The following M1AP variants were observed in gnomAD, a reference collection of about 807,000 sequenced individuals.
M1AP encodes the protein meiosis 1 associated protein, also known as meiosis 1 arrest protein.
In M1AP, 39 loss-of-function variants were observed where a neutral mutation model predicts 51.2. That is an observed-to-expected ratio of 0.76 (90% confidence interval 0.59 to 1.00). The LOEUF (loss-of-function observed/expected upper bound fraction) is 1.00, where lower values mean the gene tolerates loss of function less well. Among genes scored for constraint, M1AP ranks in the 50% least tolerant of loss-of-function variants. M1AP has a pLI of 0.00. For synonymous variants in M1AP, 251 were observed against 249.2 expected, an observed-to-expected ratio of 1.01 and a Z score of -0.07; for missense variants, 545 against 641.2, an observed-to-expected ratio of 0.85 and a Z score of 1.62.
At chr2:74,561,103 G>A (rs953192263) in intron 8 of M1AP, among the ~76,000 whole-genome samples, 32 of 76,602 alleles carry the variant, frequency 4.2e-4, no homozygotes, top group African/African-American at 1.3e-3. Flanking sequence ...GGAGAAGGAG[G>A]AGGAGGAGAA....
chr2:74,580,829 T>C (rs1400402147), intron 5 of M1AP, among the ~76,000 whole-genome samples: 1 of 152,178 alleles, frequency 6.6e-6, no homozygotes, highest in Non-Finnish European at 1.5e-5. Context: ...ATGAGAAAGA[T>C]GGGTACAAAT....
At chr2:74,597,846 T>C (rs1460500756) in intron 4 of M1AP, among the ~76,000 whole-genome samples, 1 of 152,226 alleles carries the variant, frequency 6.6e-6, no homozygotes, top group African/African-American at 2.4e-5. Flanking sequence ...AGTTTTGACA[T>C]ATTTATTACT....
intron 5 of M1AP, among the ~76,000 whole-genome samples, chr2:74,579,847 G>A (rs945461585): frequency 2.0e-5 from 3 of 151,950 alleles, no homozygotes; most frequent in South Asian, 2.1e-4. Context: ...TCACTCTGTT[G>A]CCCAGGCTGA....
intron 7 of M1AP, among the ~76,000 whole-genome samples, chr2:74,564,315 T>C (rs558205814): frequency 6.6e-6 from 1 of 152,294 alleles, no homozygotes; most frequent in South Asian, 2.1e-4. Context: ...GGAGGTCTGG[T>C]AGGCACAGCA....
intron 7 of M1AP, among the ~76,000 whole-genome samples, chr2:74,563,091 G>A (rs962877361): frequency 6.6e-6 from 1 of 152,130 alleles, no homozygotes; most frequent in Non-Finnish European, 1.5e-5. Flanking sequence ...GAGGGTACAA[G>A]GTAGTAAGGC....
At chr2:74,608,403 T>C (rs1344691571) in intron 3 of M1AP, among the ~76,000 whole-genome samples, 2 of 152,236 alleles carry the variant, frequency 1.3e-5, no homozygotes, top group Admixed American at 6.5e-5. Context: ...CATATCTTTC[T>C]GTAGCTTGAT....
At chr2:74,590,938 C>A (rs1436095372) in intron 4 of M1AP, among the ~76,000 whole-genome samples, 3 of 152,178 alleles carry the variant, frequency 2.0e-5, no homozygotes, top group Non-Finnish European at 4.4e-5. Flanking sequence ...AGAAACTAGC[C>A]AGCCTGGTGC....
intron 2 of M1AP, among the ~76,000 whole-genome samples, chr2:74,625,707 T>C (rs1019969869): frequency 6.6e-6 from 1 of 152,244 alleles, no homozygotes; most frequent in Non-Finnish European, 1.5e-5. Flanking sequence ...GGACACCTAA[T>C]GGTGACCCAT....
At chr2:74,623,280 G>A (rs1682177331) in intron 2 of M1AP, among the ~76,000 whole-genome samples, 1 of 152,160 alleles carries the variant, frequency 6.6e-6, no homozygotes, top group African/African-American at 2.4e-5. Flanking sequence ...GAGGTGGACA[G>A]ACTGCTTGAG....
Position 74,562,215 on chromosome 2 carries a change from G to C in M1AP, c.1281+2C>G, listed in dbSNP as rs1184412679. 1 of 1,605,346 alleles carries C rather than the reference G, an allele frequency of 6.2e-7. No individual in the cohort carries two copies. Among genetic ancestry groups the C allele is most frequent in the African/African-American group, 1.3e-5 (1 of 74,752 alleles). On this transcript the variant is annotated splice_donor_variant, in intron 8 of 10. Coordinates refer to ENST00000421985, the MANE Select transcript of M1AP (RefSeq NM_001321739.2). LOFTEE classifies it high-confidence loss of function. ...GTCCCATGAGATCTGGGCTCCACTT[G>C]CCTCCACATTCTTAAGGCTATCATC...
intron 2 of M1AP, among the ~76,000 whole-genome samples, chr2:74,627,275 T>C (rs965145880): frequency 5.9e-5 from 9 of 152,136 alleles, no homozygotes; most frequent in South Asian, 2.1e-4. Context: ...TTGGTTATTG[T>C]GATGAAAAAT....
intron 5 of M1AP, among the ~76,000 whole-genome samples, chr2:74,577,114 T>A (rs1679122530): frequency 6.6e-6 from 1 of 152,164 alleles, no homozygotes; most frequent in South Asian, 2.1e-4. Flanking sequence ...AGTCAGGCAG[T>A]CAGATGACTG....
chr2:74,590,621 T>C (rs897311623), intron 4 of M1AP, among the ~76,000 whole-genome samples: 1 of 152,190 alleles, frequency 6.6e-6, no homozygotes, highest in African/African-American at 2.4e-5. Flanking sequence ...AATCTTTTTC[T>C]TAGGCTTGTG....
chr2:74,630,505 C>G (rs140052550), intron 2 of M1AP, among the ~76,000 whole-genome samples: 68 of 152,252 alleles, frequency 4.5e-4, no homozygotes, highest in African/African-American at 1.3e-3. Flanking sequence ...TCAACGGGCC[C>G]CAGTGTGTGT....
At chr2:74,575,164 C>T (rs1004754530) in intron 7 of M1AP, 34 of 375,396 alleles carry the variant, frequency 9.1e-5, no homozygotes, top group Non-Finnish European at 1.1e-4. Context: ...CAGGTACGTA[C>T]GGAAAATTCC....
intron 1 of M1AP, among the ~76,000 whole-genome samples, chr2:74,646,095 A>G (rs1048476794): frequency 2.0e-5 from 3 of 152,246 alleles, no homozygotes. Flanking sequence ...TGATCAGTGC[A>G]TCATGATCAG....
chr2:74,600,419 G>A (rs1680610747), intron 4 of M1AP, among the ~76,000 whole-genome samples: 1 of 152,156 alleles, frequency 6.6e-6, no homozygotes, highest in Non-Finnish European at 1.5e-5. Context: ...AAAGCTAGCA[G>A]CATTATTCCC....
At chr2:74,607,570 G>T (rs1192472289) in intron 3 of M1AP, among the ~76,000 whole-genome samples, 1 of 152,098 alleles carries the variant, frequency 6.6e-6, no homozygotes, top group Non-Finnish European at 1.5e-5. Flanking sequence ...GCCTTCCGGG[G>T]TCAAGTGATT....
At chr2:74,618,181 G>T (rs1220337031) in intron 2 of M1AP, among the ~76,000 whole-genome samples, 1 of 152,162 alleles carries the variant, frequency 6.6e-6, no homozygotes, top group Non-Finnish European at 1.5e-5. Context: ...GATGGGTGAA[G>T]GAATTCCATG....
Sources: allele counts gnomAD v4.1 joint callset (sites outside exome capture counted in the v4.1 genomes callset), GRCh38; gene constraint gnomAD v4.1.1; transcripts MANE v1.5; gene names NCBI Gene and HGNC (gene_info 2026-07-23, HGNC 2026-07-21).